Variants in HUWE1 observed in about 807,000 individuals in gnomAD.
HUWE1 encodes the protein HECT, UBA and WWE domain containing E3 ubiquitin protein ligase 1.
Under a neutral mutation model 299.4 loss-of-function variants are expected in HUWE1, and 18 were observed. That is an observed-to-expected ratio of 0.06 (90% CI 0.04 to 0.09). HUWE1 has a LOEUF of 0.09. Ranked by LOEUF, HUWE1 falls within the 10% of genes least tolerant of loss-of-function variation. The probability of loss-of-function intolerance (pLI) is 1.00; values close to 1 mark genes in which losing one functional copy is unlikely to be tolerated. For missense variants in HUWE1, 1,832 were observed against 3,462.3 expected (o/e 0.53, Z 11.82); for synonymous variants, 1,317 against 1,286.1 (o/e 1.02, Z -0.51).
intron 60 of HUWE1, chrX:53,556,117 C>G (rs2062005031): frequency 9.2e-6 from 3 of 324,998 alleles, no homozygotes; most frequent in South Asian, 2.8e-5. Context: ...TCTGCCTCAC[C>G]CTAAACACCA....
intron 49 of HUWE1, among the ~76,000 whole-genome samples, chrX:53,568,433 T>C (rs1228889496): frequency 9.0e-6 from 1 of 111,389 alleles, no homozygotes. Context: ...TCTTATAATA[T>C]ACATATAATC....
chrX:53,556,629 T>C (rs1053803363), intron 60 of HUWE1, among the ~76,000 whole-genome samples: 1 of 111,373 alleles, frequency 9.0e-6, no homozygotes, highest in Non-Finnish European at 1.9e-5. Context: ...TCAGAGGGAA[T>C]AGGAAACATA....
rs996514065 is a variant in HUWE1, at chrX:53,573,665, C to T, written c.6312+85G>A. ...TACTTGGGTTAGCACTTAGCATGCACAGCTTCCCAGCAGTGTCTGACACAG... is the reference window on the plus strand; with the variant it reads ...TACTTGGGTTAGCACTTAGCATGCATAGCTTCCCAGCAGTGTCTGACACAG... On this transcript the variant is annotated intron_variant, in intron 47 of 83. Transcript: ENST00000262854. 1.3e-5 allele frequency: 11 copies of T among 817,592 alleles called. No homozygotes were observed. In the South Asian group the frequency reaches 2.1e-4, roughly 16 times the overall value. The allele number at this position is 817,592 out of a possible 1,213,427, so 67.4% of individuals were successfully genotyped here. A position where few individuals can be genotyped will look rare whatever the true frequency, so the allele number is the denominator to read the frequency against.
chrX:53,571,694 T>G (rs1354989903), intron 47 of HUWE1, among the ~76,000 whole-genome samples: 1 of 111,971 alleles, frequency 8.9e-6, no homozygotes, highest in East Asian at 2.8e-4. Flanking sequence ...TGAATAGACA[T>G]TTCCCAAAAG....
At chrX:53,632,601 T>C in intron 8 of HUWE1, 37 bp from the exon 9 acceptor site, 1 of 968,005 alleles carries the variant, frequency 1.0e-6, no homozygotes, top group Non-Finnish European at 1.5e-6. Flanking sequence ...AGACATTGAG[T>C]TTCAACTGAT....
chrX:53,566,117 ATG>A (rs781804758), intron 49 of HUWE1, among the ~76,000 whole-genome samples: 4 of 54,324 alleles, frequency 7.4e-5, no homozygotes, highest in Admixed American at 2.8e-4. Context: ...GTATGTATGT[ATG>A]TGTGTGTGTG....
intron 3 of HUWE1, among the ~76,000 whole-genome samples, chrX:53,678,425 A>G (rs1353221996): frequency 2.7e-5 from 3 of 112,058 alleles, no homozygotes; most frequent in African/African-American, 9.7e-5. Flanking sequence ...TGAGGAAACA[A>G]CGAATAATAC....
chrX:53,574,062 G>T, intron 46 of HUWE1, 98 bp from the exon 47 acceptor site: 1 of 710,183 alleles, frequency 1.4e-6, no homozygotes, highest in Non-Finnish European at 2.2e-6. Flanking sequence ...TCCACTTTAA[G>T]CCACCTGTAC....
At chrX:53,677,737 T>A (rs981848098) in intron 3 of HUWE1, among the ~76,000 whole-genome samples, 1 of 110,826 alleles carries the variant, frequency 9.0e-6, no homozygotes, top group Non-Finnish European at 1.9e-5. Flanking sequence ...AGCCACCAAA[T>A]GTAATATACC....
intron 21 of HUWE1, 135 bp from the exon 22 acceptor site, chrX:53,615,970 T>C (rs1557007072): frequency 2.0e-6 from 1 of 503,955 alleles, no homozygotes; most frequent in Non-Finnish European, 3.5e-6. Context: ...AAAGACTTTA[T>C]GTCACCCAGA....
intron 30 of HUWE1, 137 bp from the exon 31 acceptor site, chrX:53,594,758 G>A: frequency 3.3e-6 from 2 of 600,726 alleles, no homozygotes; most frequent in South Asian, 2.6e-5. Context: ...TACAGGATGA[G>A]TATCCCTATC....
intron 2 of HUWE1, chrX:53,683,925 A>C (rs2070333506): frequency 7.3e-6 from 2 of 275,463 alleles, no homozygotes; most frequent in Non-Finnish European, 1.3e-5. Context: ...TCCCGCGAGA[A>C]TTCTCCGGCT....
At chrX:53,644,812 T>C (rs782062981) in intron 7 of HUWE1, among the ~76,000 whole-genome samples, 2 of 111,929 alleles carry the variant, frequency 1.8e-5, no homozygotes, top group African/African-American at 6.5e-5. Flanking sequence ...GGACAATAGT[T>C]TGGTAGAGCT....
At chrX:53,556,099 T>A (rs782473928) in intron 60 of HUWE1, 164 of 293,958 alleles carry the variant, frequency 5.6e-4, no homozygotes, top group Non-Finnish European at 1.0e-4. Flanking sequence ...AGTCACTTTA[T>A]AATGACATCT....
chrX:53,568,445 T>C (rs1328740207), intron 49 of HUWE1, among the ~76,000 whole-genome samples: 8 of 110,372 alleles, frequency 7.2e-5, no homozygotes, highest in African/African-American at 2.6e-4. Context: ...CATATAATCT[T>C]CTAATAAGTG....
At chrX:53,670,035 G>A (rs1168762754) in intron 3 of HUWE1, among the ~76,000 whole-genome samples, 2 of 111,918 alleles carry the variant, frequency 1.8e-5, no homozygotes, top group Non-Finnish European at 3.8e-5. Flanking sequence ...TTTACAAGCA[G>A]GAAATTCAGT....
At chrX:53,681,249 C>T (rs1253254474) in intron 2 of HUWE1, among the ~76,000 whole-genome samples, 3 of 109,850 alleles carry the variant, frequency 2.7e-5, no homozygotes, top group Non-Finnish European at 5.7e-5. Context: ...TCCTGGCCAA[C>T]GTGGTGAAAC....
intron 7 of HUWE1, among the ~76,000 whole-genome samples, chrX:53,636,544 T>C (rs1286136483): frequency 9.0e-6 from 1 of 111,616 alleles, no homozygotes; most frequent in African/African-American, 3.3e-5. Flanking sequence ...CCCAACATGG[T>C]GAAACCCCGT....
chrX:53,542,810 T>C (rs1327043028), intron 73 of HUWE1: 2 of 354,011 alleles, frequency 5.6e-6, no homozygotes, highest in African/African-American at 5.3e-5. Context: ...CAGTCAGAAC[T>C]AGCCTCCTGT....
Sources: allele counts gnomAD v4.1 joint callset (sites outside exome capture counted in the v4.1 genomes callset), GRCh38; gene constraint gnomAD v4.1.1; transcripts MANE v1.5; gene names NCBI Gene and HGNC (gene_info 2026-07-23, HGNC 2026-07-21).